The following NCKAP5 variants were observed in gnomAD, a reference collection of about 807,000 sequenced individuals.
NCKAP5 encodes NCK associated protein 5, also known as nck-associated protein 5.
A neutral mutation model predicts 167.0 loss-of-function variants in NCKAP5; 92 were observed. That is an observed-to-expected ratio of 0.55 (90% CI 0.47 to 0.66). The LOEUF is 0.66. NCKAP5 is among the 30% of genes least tolerant of loss of function. The pLI is 0.00. For synonymous variants in NCKAP5, 891 were observed against 877.4 expected, an observed-to-expected ratio of 1.02 and a Z score of -0.27; for missense variants, 2,378 against 2,315.0, an observed-to-expected ratio of 1.03 and a Z score of -0.56.
chr2:132,790,012 C>T lies in NCKAP5; in HGVS notation c.1092+11G>A. On this transcript the variant is annotated intron_variant, in intron 13 of 19. Coordinates refer to ENST00000409261, the MANE Select transcript of NCKAP5 (RefSeq NM_207363.3). ...TCTTTTCTGGTTCATTCCGATGCCA[C>T]AGTGCCTTACCCTTTTCCTGAGGTT... The T allele has an allele frequency of 3.7e-6, 6 of 1,603,818 alleles. No homozygotes were observed. Among genetic ancestry groups the T allele is most frequent in the African/African-American group, 1.3e-5 (1 of 74,878 alleles).
chr2:133,566,961 T>G (rs565156654), intron 1 of NCKAP5, among the ~76,000 whole-genome samples: 1 of 152,170 alleles, frequency 6.6e-6, no homozygotes, highest in Admixed American at 6.5e-5. Context: ...CAGTCAAATA[T>G]TTTGAGGCCT....
intron 11 of NCKAP5, among the ~76,000 whole-genome samples, chr2:132,799,995 G>T (rs560206467): frequency 1.8e-4 from 28 of 152,194 alleles, no homozygotes; most frequent in South Asian, 8.3e-4. Flanking sequence ...CAACCCCAAA[G>T]AAACTACATT....
chr2:132,679,759 A>G (rs1472961579), intron 19 of NCKAP5, among the ~76,000 whole-genome samples: 1 of 152,156 alleles, frequency 6.6e-6, no homozygotes, highest in African/African-American at 2.4e-5. Context: ...CCCTTTTCTG[A>G]TGAACAAATC....
chr2:133,397,471 T>C (rs930158443), intron 3 of NCKAP5, among the ~76,000 whole-genome samples: 1 of 152,242 alleles, frequency 6.6e-6, no homozygotes, highest in Non-Finnish European at 1.5e-5. Context: ...TTAGGGAACT[T>C]TGAAGCATAT....
intron 3 of NCKAP5, among the ~76,000 whole-genome samples, chr2:133,305,143 T>A (rs1680689267): frequency 1.3e-5 from 2 of 152,300 alleles, no homozygotes; most frequent in South Asian, 2.1e-4. Flanking sequence ...GTTGGACAGT[T>A]AGGCAGGACC....
chr2:133,534,402 A>G (rs975239909), intron 2 of NCKAP5, among the ~76,000 whole-genome samples: 4 of 152,146 alleles, frequency 2.6e-5, no homozygotes, highest in Admixed American at 2.0e-4. Flanking sequence ...TAGTGAATTC[A>G]GAGTTGTACC....
At chr2:133,048,464 T>C (rs568427336) in intron 6 of NCKAP5, among the ~76,000 whole-genome samples, 2 of 152,342 alleles carry the variant, frequency 1.3e-5, no homozygotes, top group South Asian at 4.1e-4. Context: ...GATGATTGAA[T>C]ATATTTTAGC....
intron 11 of NCKAP5, among the ~76,000 whole-genome samples, chr2:132,806,182 G>A (rs1315746589): frequency 6.6e-6 from 1 of 152,092 alleles, no homozygotes; most frequent in Non-Finnish European, 1.5e-5. Flanking sequence ...TTGACTGATG[G>A]GCATGTGGGT....
intron 8 of NCKAP5, among the ~76,000 whole-genome samples, chr2:132,940,947 T>G (rs1215261677): frequency 6.6e-6 from 1 of 152,050 alleles, no homozygotes; most frequent in East Asian, 1.9e-4. Flanking sequence ...AAAGAAACAT[T>G]AATATTACAT....
At chr2:132,798,676 A>G (rs1301369158) in intron 11 of NCKAP5, among the ~76,000 whole-genome samples, 2 of 152,196 alleles carry the variant, frequency 1.3e-5, no homozygotes, top group East Asian at 3.9e-4. Flanking sequence ...GCTTTTATCC[A>G]AATGGGTCCC....
At chr2:133,618,148 T>C in the NCKAP5 span, among the ~76,000 whole-genome samples, 1 of 151,698 alleles carries the variant, frequency 6.6e-6, no homozygotes, top group African/African-American at 2.4e-5. Context: ...TATACAAAAA[T>C]CAATTCAAGA....
intron 8 of NCKAP5, among the ~76,000 whole-genome samples, chr2:132,904,477 C>A (rs1693864956): frequency 6.6e-6 from 1 of 152,034 alleles, no homozygotes; most frequent in South Asian, 2.1e-4. Flanking sequence ...TATGCTTAAA[C>A]ATAAATCTCA....
intron 8 of NCKAP5, among the ~76,000 whole-genome samples, chr2:132,895,955 C>A (rs993500162): frequency 4.6e-5 from 7 of 151,760 alleles, no homozygotes; most frequent in African/African-American, 1.7e-4. Flanking sequence ...GCCAACATGG[C>A]AAAACTCCGT....
chr2:133,034,456 A>G (rs1241494164), intron 6 of NCKAP5, among the ~76,000 whole-genome samples: 2 of 152,156 alleles, frequency 1.3e-5, no homozygotes, highest in Non-Finnish European at 2.9e-5. Context: ...GTAAGCACAC[A>G]GAAAAATACA....
At chr2:133,615,767 C>A in the NCKAP5 span, among the ~76,000 whole-genome samples, 1 of 151,968 alleles carries the variant, frequency 6.6e-6, no homozygotes, top group East Asian at 1.9e-4. Context: ...ACAAGGATAC[C>A]CAGGAATTGA....
chr2:133,274,197 T>C (rs1235900255), intron 4 of NCKAP5, among the ~76,000 whole-genome samples: 2 of 151,868 alleles, frequency 1.3e-5, no homozygotes, highest in African/African-American at 4.8e-5. Context: ...GTTTGTTTAC[T>C]AGATAAAAGA....
At chr2:133,351,836 C>A (rs2150819505) in intron 3 of NCKAP5, among the ~76,000 whole-genome samples, 1 of 152,300 alleles carries the variant, frequency 6.6e-6, no homozygotes, top group Non-Finnish European at 1.5e-5. Context: ...CCACTCCCCA[C>A]CACCCCATAA....
intron 1 of NCKAP5, among the ~76,000 whole-genome samples, chr2:133,565,466 T>C (rs13412991): frequency 0.31 from 47,700 of 152,136 alleles, 7,860 homozygotes; most frequent in South Asian, 0.4. Flanking sequence ...AGAAGAGAAA[T>C]TGAAATAGAA....
chr2:133,557,763 C>T (rs1687844572), intron 2 of NCKAP5, among the ~76,000 whole-genome samples: 1 of 152,210 alleles, frequency 6.6e-6, no homozygotes, highest in African/African-American at 2.4e-5. Flanking sequence ...GGACACACAG[C>T]ATTGTGCAGT....
Sources: gnomAD v4.1 joint callset for allele counts (sites outside exome capture counted in the v4.1 genomes callset) on GRCh38, gnomAD v4.1.1 for gene constraint, MANE v1.5 for transcripts, NCBI Gene and HGNC (gene_info 2026-07-23, HGNC 2026-07-21) for gene names.